The following GATAD2A variants were observed in gnomAD, a reference collection of about 807,000 sequenced individuals.
The protein encoded by GATAD2A is GATA zinc finger domain containing 2A.
In GATAD2A, 12 loss-of-function variants were observed where a neutral mutation model predicts 68.5. The ratio of observed to expected loss-of-function variants is 0.18; its 90% CI spans 0.11 to 0.28. The LOEUF (loss-of-function observed/expected upper bound fraction) is 0.28, where lower values mean the gene tolerates loss of function less well. GATAD2A is among the 10% of genes least tolerant of loss of function. The pLI is 1.00. For synonymous variants in GATAD2A, 410 were observed against 375.3 expected (o/e 1.09, Z -1.07); for missense variants, 755 against 868.5 (o/e 0.87, Z 1.64).
chr19:19,455,840 CTG>C (rs373247153), intron 1 of GATAD2A, among the ~76,000 whole-genome samples: 26 of 152,220 alleles, frequency 1.7e-4, no homozygotes, highest in African/African-American at 6.0e-4. Context: ...AAATTATTTA[CTG>C]TGTAGCATTT....
upstream of GATAD2A, among the ~76,000 whole-genome samples, chr19:19,402,847 C>G (rs1011905625): frequency 1.8e-4 from 26 of 144,686 alleles, no homozygotes; most frequent in Middle Eastern, 3.8e-3. Context: ...GATCTTGGCT[C>G]ACTGCAACCT....
chr19:19,424,776 C>T (rs2052869539), intron 1 of GATAD2A, among the ~76,000 whole-genome samples: 1 of 152,118 alleles, frequency 6.6e-6, no homozygotes, highest in Non-Finnish European at 1.5e-5. Context: ...CTCACCTTTC[C>T]AGGAGGTTGC....
intron 10 of GATAD2A, 113 bp downstream of exon 10, chr19:19,502,156 A>G: frequency 2.2e-6 from 2 of 907,128 alleles, no homozygotes; most frequent in Non-Finnish European, 1.7e-6. Flanking sequence ...TTTCTGTTTC[A>G]CTCTCTCCCC....
chr19:19,501,390 G>T lies in GATAD2A; in HGVS notation c.1477G>T (p.Ala493Ser). 2 of 1,604,814 alleles carry T rather than the reference G, an allele frequency of 1.2e-6. No individual in the cohort carries two copies. The highest frequency in any genetic ancestry group is 1.3e-5 in the African/African-American group (1 of 74,770). ...APAQAKAEPTAAPHPVLKQVI... is the reference protein window; with the variant it reads ...APAQAKAEPTSAPHPVLKQVI... The stretch of plus-strand genomic sequence containing the variant: ...TGCACAGGCCAAGGCCGAGCCCACC[G>T]CTGCCCCACACCCCGTGCTGAAGCA... The change falls in exon 9 of 12, where the codon GCT becomes TCT. Residue 493 changes from alanine to serine, a missense_variant. Coordinates refer to ENST00000683918, the MANE Select transcript of GATAD2A (RefSeq NM_001384528.1).
chr19:19,410,319 G>A (rs1456977501), intron 1 of GATAD2A, among the ~76,000 whole-genome samples: 1 of 150,976 alleles, frequency 6.6e-6, no homozygotes, highest in Non-Finnish European at 1.5e-5. Flanking sequence ...AGTCAAAGTG[G>A]GAGTTCTTGG....
intron 7 of GATAD2A, among the ~76,000 whole-genome samples, chr19:19,498,220 G>A (rs2060278098): frequency 2.0e-5 from 3 of 152,248 alleles, no homozygotes; most frequent in African/African-American, 4.8e-5. Flanking sequence ...GTGCACATGT[G>A]CAGATGAGCA....
At chr19:19,419,476 T>C (rs1320060480) in intron 1 of GATAD2A, among the ~76,000 whole-genome samples, 1 of 150,578 alleles carries the variant, frequency 6.6e-6, no homozygotes, top group Non-Finnish European at 1.5e-5. Context: ...CTTAGAGGAA[T>C]AGAGGAATCC....
chr19:19,445,636 G>A (rs2055618771), intron 1 of GATAD2A, among the ~76,000 whole-genome samples: 1 of 152,112 alleles, frequency 6.6e-6, no homozygotes. Flanking sequence ...CTCTGGGTTT[G>A]CCTCTTCTGG....
chr19:19,450,586 G>A (rs915861098), intron 1 of GATAD2A, among the ~76,000 whole-genome samples: 12 of 151,652 alleles, frequency 7.9e-5, no homozygotes, highest in Admixed American at 6.6e-4. Flanking sequence ...CCTGTTAAAG[G>A]TTTCAGCCCT....
chr19:19,478,511 T>G (rs1445262625), intron 2 of GATAD2A, among the ~76,000 whole-genome samples: 1 of 151,782 alleles, frequency 6.6e-6, no homozygotes, highest in Non-Finnish European at 1.5e-5. Flanking sequence ...CAAGCACCAC[T>G]TGAACCCAGG....
At chr19:19,476,779 G>A (rs1386885861) in intron 2 of GATAD2A, among the ~76,000 whole-genome samples, 1 of 152,206 alleles carries the variant, frequency 6.6e-6, no homozygotes, top group Non-Finnish European at 1.5e-5. Flanking sequence ...TCCCAGGTGG[G>A]ACAGGCAGGC....
chr19:19,477,942 G>A (rs1183650993), intron 2 of GATAD2A, among the ~76,000 whole-genome samples: 1 of 152,196 alleles, frequency 6.6e-6, no homozygotes, highest in Non-Finnish European at 1.5e-5. Flanking sequence ...TGTGACTTAG[G>A]TAAACATAGA....
chr19:19,413,224 A>G (rs1252289371), intron 1 of GATAD2A, among the ~76,000 whole-genome samples: 1 of 152,190 alleles, frequency 6.6e-6, no homozygotes, highest in Non-Finnish European at 1.5e-5. Context: ...TCTGCCAGCA[A>G]GTTTTGAAAA....
At chr19:19,502,181 G>C in intron 10 of GATAD2A, 138 bp downstream of exon 10, 1 of 864,316 alleles carries the variant, frequency 1.2e-6, no homozygotes, top group Non-Finnish European at 1.8e-6. Context: ...CCACCCCTCT[G>C]TGTAACTTAC....
chr19:19,492,248 G>A, intron 2 of GATAD2A, 58 bp from the exon 3 acceptor site: 1 of 1,547,716 alleles, frequency 6.5e-7, no homozygotes, highest in Non-Finnish European at 8.8e-7. Flanking sequence ...GTCCACAGGG[G>A]TGGGCACTGG....
intron 1 of GATAD2A, among the ~76,000 whole-genome samples, chr19:19,415,171 A>G (rs1339112225): frequency 1.5e-5 from 2 of 132,158 alleles, no homozygotes; most frequent in Non-Finnish European, 3.1e-5. Context: ...TATGTTTTTT[A>G]GACGGAGTTT....
chr19:19,488,468 A>G (rs1160069927), intron 2 of GATAD2A, among the ~76,000 whole-genome samples: 1 of 152,246 alleles, frequency 6.6e-6, no homozygotes, highest in Non-Finnish European at 1.5e-5. Flanking sequence ...CCCAGCCTCC[A>G]AGGACAGCTC....
upstream of GATAD2A, among the ~76,000 whole-genome samples, chr19:19,403,354 A>G (rs565562907): frequency 6.6e-6 from 1 of 151,976 alleles, no homozygotes; most frequent in Non-Finnish European, 1.5e-5. Flanking sequence ...CTTACCATCT[A>G]CCCATCTGAC....
At chr19:19,495,636 A>AC in intron 5 of GATAD2A, 118 bp from the exon 6 acceptor site, 1 of 543,418 alleles carries the variant, frequency 1.8e-6, no homozygotes, top group Non-Finnish European at 2.7e-6. Context: ...CTGCTACTTA[A>AC]AAAAAAAAAA....
Sources: allele counts gnomAD v4.1 joint callset (sites outside exome capture counted in the v4.1 genomes callset), GRCh38; gene constraint gnomAD v4.1.1; transcripts MANE v1.5; gene names NCBI Gene and HGNC (gene_info 2026-07-23, HGNC 2026-07-21).